ADGRE2: variants seen among roughly 807,000 people sequenced by gnomAD.
ADGRE2 encodes the protein adhesion G protein-coupled receptor E2, also known as CD97 antigen.
In ADGRE2, 83 loss-of-function variants were observed where a neutral mutation model predicts 100.8. The observed-to-expected ratio is 0.82, with a 90% CI of 0.69 to 0.99. The LOEUF is 0.99. Ranked by LOEUF, ADGRE2 falls within the 50% of genes least tolerant of loss-of-function variation. ADGRE2 has a pLI of 0.00. For missense variants in ADGRE2, 814 were observed against 1,035.7 expected, an observed-to-expected ratio of 0.79 and a Z score of 2.94; for synonymous variants, 355 against 413.0, an observed-to-expected ratio of 0.86 and a Z score of 1.70.
At chr19:14,775,611 C>T (rs1568631725) in intron 2 of ADGRE2, among the ~76,000 whole-genome samples, 1 of 151,942 alleles carries the variant, frequency 6.6e-6, no homozygotes, top group Non-Finnish European at 1.5e-5. Context: ...GTAATCCCAG[C>T]ACTTTGGGAG....
At chr19:14,767,801 C>T (rs943651095) in intron 5 of ADGRE2, among the ~76,000 whole-genome samples, 2 of 152,132 alleles carry the variant, frequency 1.3e-5, no homozygotes, top group Non-Finnish European at 2.9e-5. Flanking sequence ...AGTCCTGGGC[C>T]AAAGGACAGA....
At chr19:14,737,849 C>T (rs920812472) in intron 20 of ADGRE2, among the ~76,000 whole-genome samples, 8 of 151,612 alleles carry the variant, frequency 5.3e-5, no homozygotes, top group Non-Finnish European at 1.0e-4. Context: ...TGGTGGCAGG[C>T]GCCTGTAGTC....
At chr19:14,730,568 A>G (rs2042662628), downstream of ADGRE2, among the ~76,000 whole-genome samples, 1 of 149,142 alleles carries the variant, frequency 6.7e-6, no homozygotes, top group Non-Finnish European at 1.5e-5. Context: ...TAAATTTAAG[A>G]GTTTATTATT....
chr19:14,736,690 A>C (rs1192437613), intron 20 of ADGRE2, among the ~76,000 whole-genome samples: 2 of 145,538 alleles, frequency 1.4e-5, no homozygotes, highest in Admixed American at 1.4e-4. Flanking sequence ...AAATATATAG[A>C]TATTTAGAAA....
rs375765526 is a variant in ADGRE2 at position 14,765,801 on chromosome 19, A to G, written c.638T>C (p.Val213Ala). Residue 213 changes from valine to alanine, a missense_variant, in exon 8 of 21, where the codon GTG becomes GCG. By Grantham distance (64) the Val-to-Ala change is moderately conservative. This residue lies in a region of ADGRE2 where 19 missense variants were observed against 64.7 expected (regional missense o/e 0.29). Transcript: ENST00000315576. ...ATGCTGCCCGGAGCTGCACTCGTCC[A>G]CATCTGAGGACAGGAAGAAGGGGGT... ...NGPNNTVCED[V>A]DECSSGQHQC... 1.2e-4 allele frequency: 196 copies of G among 1,612,524 alleles called. No homozygotes were observed. Among genetic ancestry groups the G allele is most frequent in the Non-Finnish European group, 1.6e-4 (187 of 1,178,734 alleles).
rs1179939341 is a variant in ADGRE2, at chr19:14,732,445, G to C, written c.*3791C>G. ...ATTCACATTATTGTGGTGATCTGGA[G>C]TGGAGCCTGCAATATCTCTGAGGTG... On this transcript the variant is annotated 3_prime_UTR_variant, in exon 21 of 21. Coordinates refer to ENST00000315576, the MANE Select transcript of ADGRE2 (RefSeq NM_013447.4). The C allele has an allele frequency of 6.6e-6, 1 of 152,154 alleles. No individual in the cohort carries two copies. Among genetic ancestry groups the C allele is most frequent in the Non-Finnish European group, 1.5e-5 (1 of 68,038 alleles). 9.4% of individuals were successfully genotyped at this position (152,154 alleles called of 1,614,324 possible). A position where few individuals can be genotyped will look rare whatever the true frequency, so the allele number is the denominator to read the frequency against.
At chr19:14,731,051 C>T (rs768919661), downstream of ADGRE2, 13 of 796,704 alleles carry the variant, frequency 1.6e-5, no homozygotes, top group Non-Finnish European at 2.5e-5. Context: ...TAGGCAGTCC[C>T]TTACATGCTG....
chr19:14,751,296 G>T, intron 16 of ADGRE2, 140 bp downstream of exon 16: 1 of 634,792 alleles, frequency 1.6e-6, no homozygotes, highest in Non-Finnish European at 2.8e-6. Flanking sequence ...AGAATAAGGA[G>T]CTGCAGTGTA....
At chr19:14,763,062 G>A (rs1035626110) in intron 11 of ADGRE2, among the ~76,000 whole-genome samples, 1 of 152,180 alleles carries the variant, frequency 6.6e-6, no homozygotes, top group Admixed American at 6.5e-5. Context: ...TGCAGGCCGG[G>A]CGTGGTGGCT....
chr19:14,771,726 C>T (rs1433436697), intron 5 of ADGRE2, among the ~76,000 whole-genome samples: 3 of 151,918 alleles, frequency 2.0e-5, no homozygotes, highest in South Asian at 2.1e-4. Flanking sequence ...CTGAAACCTC[C>T]GACTCCCTGG....
chr19:14,756,111 CCT>C (rs1244582089), intron 12 of ADGRE2, 125 bp downstream of exon 12: 1 of 821,698 alleles, frequency 1.2e-6, no homozygotes, highest in Non-Finnish European at 2.0e-6. Context: ...GCTGGACTCT[CCT>C]CTTACAGCCC....
chr19:14,752,956 G>A (rs1352990849), intron 14 of ADGRE2, among the ~76,000 whole-genome samples: 1 of 152,046 alleles, frequency 6.6e-6, no homozygotes, highest in Non-Finnish European at 1.5e-5. Context: ...ACTTTTAGTA[G>A]AGACAGGGTC....
At position 14,750,179 on chromosome 19, in the gene ADGRE2, ATTAT is replaced by A. The variant is rs1301316457; in HGVS notation, c.2024+1253_2024+1256del. Among the ~76,000 whole-genome samples, 4 of 120,924 alleles carry A rather than the reference ATTAT, an allele frequency of 3.3e-5. 1 individual carries two copies. The highest frequency in any genetic ancestry group is 8.0e-5 in the Admixed American group (1 of 12,476). 79.3% of individuals were successfully genotyped at this position (120,924 alleles called of 152,430 possible). On this transcript the variant is annotated intron_variant, in intron 16 of 20. Coordinates refer to ENST00000315576, the MANE Select transcript of ADGRE2 (RefSeq NM_013447.4). ...TAATTATTTATAGCTATGTTATATA[ATTAT>A]TTATAGTTATATAATATTAATATAT...
chr19:14,745,311 A>G (rs1449485012), intron 18 of ADGRE2, among the ~76,000 whole-genome samples: 1 of 152,188 alleles, frequency 6.6e-6, no homozygotes, highest in Non-Finnish European at 1.5e-5. Flanking sequence ...GTGGGGACAT[A>G]TGTGATATTT....
At chr19:14,736,918 T>TATATATATCTAATATCTATATATTTAGAA (rs1555779817) in intron 20 of ADGRE2, among the ~76,000 whole-genome samples, 1 of 130,258 alleles carries the variant, frequency 7.7e-6, no homozygotes, top group Non-Finnish European at 1.6e-5. Flanking sequence ...TATTTAGAAA[T>TATATATATCTAATATCTATATATTTAGAA]ATATATATAT....
In ADGRE2 at chr19:14,765,323, G is replaced by A; in HGVS notation, c.903C>T (p.Ile301=). 1.2e-6 allele frequency: 2 copies of A among 1,614,096 alleles called. No individual in the cohort carries two copies. Among genetic ancestry groups the A allele is most frequent in the East Asian group, 2.2e-5 (1 of 44,886 alleles). The change falls in exon 10 of 21, where the codon ATC becomes ATT. Residue 301 remains isoleucine, a synonymous_variant. Transcript: ENST00000315576. Reference sequence around the variant, plus strand: ...TTGCCCTGGGTCCTGTCCTTACCTGGATGGTGTTATTGGCCAAGCCTGGCT... The same window carrying A: ...TTGCCCTGGGTCCTGTCCTTACCTGAATGGTGTTATTGGCCAAGCCTGGCT... ...DYKPGLANNT[I]QSILQALDEL... is the part of the protein sequence containing the mutation.
In ADGRE2 at chr19:14,770,720, C is replaced by T. The variant is rs149177835; in HGVS notation, c.355+1622G>A. On this transcript the variant is annotated intron_variant, in intron 5 of 20. Coordinates refer to ENST00000315576, the MANE Select transcript of ADGRE2 (RefSeq NM_013447.4). ...TTTGAGACAAAGTCTTGCTCTGTCA[C>T]CCAGGCTGGAGTGCAATATTGAGAT... Among the ~76,000 whole-genome samples the T allele has an allele frequency of 5.1e-4, 62 of 122,372 alleles. 3 individuals carry two copies. The East Asian group carries it at 0.013, about 26-fold the overall frequency. The allele number at this position is 122,372 out of a possible 152,430, so 80.3% of individuals were successfully genotyped here. A position where few individuals can be genotyped will look rare whatever the true frequency, so the allele number is the denominator to read the frequency against.
chr19:14,772,115 C>T (rs2044232990), intron 5 of ADGRE2: 4 of 585,380 alleles, frequency 6.8e-6, no homozygotes, highest in Non-Finnish European at 1.2e-5. Flanking sequence ...TAACAGGTGG[C>T]AAAGCCAGGA....
intron 20 of ADGRE2, among the ~76,000 whole-genome samples, chr19:14,737,013 T>C (rs1366205023): frequency 6.8e-6 from 1 of 148,072 alleles, no homozygotes; most frequent in African/African-American, 2.4e-5. Flanking sequence ...AAGTAGATTA[T>C]AGCTGCTTGT....
Sources: gnomAD v4.1 joint callset for allele counts (sites outside exome capture counted in the v4.1 genomes callset) on GRCh38, gnomAD v4.1.1 for gene constraint, gnomAD v4.1.1 regional missense constraint, MANE v1.5 for transcripts, NCBI Gene and HGNC (gene_info 2026-07-23, HGNC 2026-07-21) for gene names.